The following MTUS2 variants were observed in gnomAD, a reference collection of about 807,000 sequenced individuals.
MTUS2 encodes the protein microtubule-associated tumor suppressor candidate 2.
In MTUS2, 40 loss-of-function variants were observed where a neutral mutation model predicts 114.1. The observed-to-expected ratio is 0.35, with a 90% confidence interval of 0.27 to 0.46. The LOEUF is 0.46. Among genes scored for constraint, MTUS2 ranks in the 20% least tolerant of loss-of-function variants. The pLI is 1.00. For synonymous variants in MTUS2, 688 were observed against 672.0 expected, an observed-to-expected ratio of 1.02 and a Z score of -0.37; for missense variants, 1,679 against 1,705.4, an observed-to-expected ratio of 0.98 and a Z score of 0.27.
chr13:29,121,833 T>A (rs1396275311), intron 5 of MTUS2, among the ~76,000 whole-genome samples: 1 of 152,014 alleles, frequency 6.6e-6, no homozygotes, highest in Non-Finnish European at 1.5e-5. Context: ...ATTTTGTATT[T>A]TTTTTTAGTA....
At position 29,116,067 on chromosome 13, in the gene MTUS2, G is replaced by A. The variant is rs546985467; in HGVS notation, c.2644+15097G>A. On this transcript the variant is annotated intron_variant, in intron 5 of 15. Coordinates refer to ENST00000612955, the MANE Select transcript of MTUS2 (RefSeq NM_001033602.4). ...GTGCTGTTTTAACCTGGAGCATACCGAGACATAAGTAAAATATGAGTCAGC... is the reference window on the plus strand; with the variant it reads ...GTGCTGTTTTAACCTGGAGCATACCAAGACATAAGTAAAATATGAGTCAGC... Among the ~76,000 whole-genome samples, 5 of 152,250 alleles carry A rather than the reference G, an allele frequency of 3.3e-5. No individual in the cohort carries two copies. The South Asian group carries it at 1.0e-3, about 32-fold the overall frequency.
intron 8 of MTUS2, among the ~76,000 whole-genome samples, chr13:29,376,692 A>G (rs1316611412): frequency 6.6e-6 from 1 of 152,174 alleles, no homozygotes. Flanking sequence ...TATTGTCTAT[A>G]GCTGCTTTCT....
At chr13:29,306,213 C>A (rs1302765141) in intron 6 of MTUS2, among the ~76,000 whole-genome samples, 1 of 152,156 alleles carries the variant, frequency 6.6e-6, no homozygotes, top group Non-Finnish European at 1.5e-5. Context: ...AAGCATTGTT[C>A]TTGAAAACTA....
intron 2 of MTUS2, among the ~76,000 whole-genome samples, chr13:28,972,518 C>G (rs1227321355): frequency 6.6e-6 from 1 of 151,986 alleles, no homozygotes; most frequent in Non-Finnish European, 1.5e-5. Flanking sequence ...GTTCAGAAAC[C>G]CAAAACAATC....
In MTUS2 at chr13:29,129,848, A is replaced by C. The variant is rs1035114708; in HGVS notation, c.2644+28878A>C. Among the ~76,000 whole-genome samples, 29 of 152,264 alleles carry C rather than the reference A, an allele frequency of 1.9e-4. 1 individual carries two copies. Among genetic ancestry groups the C allele is most frequent in the African/African-American group, 7.0e-4 (29 of 41,552 alleles). On this transcript the variant is annotated intron_variant, in intron 5 of 15. Coordinates refer to ENST00000612955, the MANE Select transcript of MTUS2 (RefSeq NM_001033602.4). ...GCAGAAAATAGTCTCTCTTCAAAAA[A>C]GAATGGTGGGGGCAGGGTGAGGTGA... is the stretch of plus-strand genomic sequence containing the variant.
chr13:29,281,642 A>T, intron 5 of MTUS2, 62 bp from the exon 6 acceptor site: 1 of 1,516,300 alleles, frequency 6.6e-7, no homozygotes, highest in Non-Finnish European at 8.9e-7. Context: ...GCAAGTGCAA[A>T]TGGTGAGGGC....
intron 8 of MTUS2, among the ~76,000 whole-genome samples, chr13:29,438,859 C>G (rs1333755716): frequency 6.6e-6 from 1 of 152,198 alleles, no homozygotes; most frequent in African/African-American, 2.4e-5. Flanking sequence ...CAAATGCCCT[C>G]TGGATAACCC....
At chr13:29,368,724 T>C (rs1327071761) in intron 8 of MTUS2, among the ~76,000 whole-genome samples, 2 of 152,182 alleles carry the variant, frequency 1.3e-5, no homozygotes, top group Admixed American at 6.5e-5. Flanking sequence ...TCTGGGACTC[T>C]TTCTCTTTGG....
chr13:29,250,601 T>C (rs758049517), intron 5 of MTUS2: 1 of 151,788 alleles, frequency 6.6e-6, no homozygotes, highest in African/African-American at 2.4e-5. Flanking sequence ...ACCGTAAAAG[T>C]AGAATTCTCA....
Position 28,967,364 on chromosome 13 carries a change from A to C in MTUS2, c.-242-57093A>C, listed in dbSNP as rs76741567. ...GAACTTTCCAGGAAGGTTAAAATTA[A>C]CAAAGTGTAATTATAATTTACTGCA... is the stretch of plus-strand genomic sequence containing the variant. On this transcript the variant is annotated intron_variant, in intron 2 of 15. Transcript: ENST00000612955. 3.6e-3 allele frequency among the ~76,000 whole-genome samples: 554 copies of C among 152,308 alleles called. 3 individuals are homozygous for C. The highest frequency in any genetic ancestry group is 0.013 in the African/African-American group (533 of 41,558).
At chr13:29,453,864 G>A (rs1049836492) in intron 9 of MTUS2, among the ~76,000 whole-genome samples, 1 of 152,216 alleles carries the variant, frequency 6.6e-6, no homozygotes, top group Non-Finnish European at 1.5e-5. Flanking sequence ...AATGATTCTT[G>A]GCAGATTTTT....
At chr13:29,231,163 A>G (rs1202384258) in intron 5 of MTUS2, among the ~76,000 whole-genome samples, 1 of 152,216 alleles carries the variant, frequency 6.6e-6, no homozygotes, top group Non-Finnish European at 1.5e-5. Flanking sequence ...GAATGATTCA[A>G]TGAACTGACA....
chr13:29,198,611 C>A (rs1167914094), intron 5 of MTUS2, among the ~76,000 whole-genome samples: 1 of 152,054 alleles, frequency 6.6e-6, no homozygotes, highest in Non-Finnish European at 1.5e-5. Flanking sequence ...TGAAGAAAGT[C>A]AATGGTAGCT....
At chr13:29,340,631 T>C (rs1254958617) in intron 7 of MTUS2, among the ~76,000 whole-genome samples, 1 of 152,206 alleles carries the variant, frequency 6.6e-6, no homozygotes, top group Non-Finnish European at 1.5e-5. Context: ...TAATGTCATC[T>C]CTCTTTTTTT....
chr13:29,024,628 T>C lies in MTUS2; in HGVS notation c.-71T>C, dbSNP rs1457279850. 6.5e-7 allele frequency: 1 copy of C among 1,546,052 alleles called. No homozygotes were observed. The highest frequency in any genetic ancestry group is 1.3e-5 in the South Asian group (1 of 79,608). ...GCTTGAGAATTTCCTCTTAATCTGATTGCAGCTTGAAGGCAGCCCATTTCC... is the reference window on the plus strand; with the variant it reads ...GCTTGAGAATTTCCTCTTAATCTGACTGCAGCTTGAAGGCAGCCCATTTCC... On this transcript the variant is annotated 5_prime_UTR_variant, in exon 3 of 16. Coordinates refer to ENST00000612955, the MANE Select transcript of MTUS2 (RefSeq NM_001033602.4).
intron 9 of MTUS2, among the ~76,000 whole-genome samples, chr13:29,450,010 G>A (rs184521407): frequency 1.4e-4 from 22 of 152,190 alleles, no homozygotes; most frequent in Middle Eastern, 3.2e-3. Flanking sequence ...TCCTATGACC[G>A]CAAGGTGGAG....
rs546886952 is a variant in MTUS2, at chr13:28,923,728, C to G, written c.-243+83878C>G. ...GATGGGATAGGGGAGTCTTTGGCACCTAGGAACATAGCAGCTTCCCAACCT... is the reference window on the plus strand; with the variant it reads ...GATGGGATAGGGGAGTCTTTGGCACGTAGGAACATAGCAGCTTCCCAACCT... On this transcript the variant is annotated intron_variant, in intron 2 of 15. Coordinates refer to ENST00000612955, the MANE Select transcript of MTUS2 (RefSeq NM_001033602.4). 2.4e-4 allele frequency among the ~76,000 whole-genome samples: 36 copies of G among 152,278 alleles called. No individual in the cohort carries two copies. The South Asian group carries it at 2.5e-3, about 11-fold the overall frequency.
chr13:29,477,134 C>G (rs1370540946), intron 9 of MTUS2, among the ~76,000 whole-genome samples: 1 of 152,108 alleles, frequency 6.6e-6, no homozygotes, highest in Non-Finnish European at 1.5e-5. Context: ...GCAGCAGGAG[C>G]CTGTGTTTTT....
intron 6 of MTUS2, among the ~76,000 whole-genome samples, chr13:29,303,177 G>T (rs1405267097): frequency 2.6e-5 from 4 of 152,224 alleles, no homozygotes; most frequent in Admixed American, 2.6e-4. Context: ...ATCAAAGGTA[G>T]ATAAGCCCAC....
Sources: gnomAD v4.1 joint callset for allele counts (sites outside exome capture counted in the v4.1 genomes callset) on GRCh38, gnomAD v4.1.1 for gene constraint, MANE v1.5 for transcripts, NCBI Gene and HGNC (gene_info 2026-07-23, HGNC 2026-07-21) for gene names.